Variants in CHN1 observed in about 807,000 individuals in gnomAD.
CHN1 encodes N-chimaerin.
A neutral mutation model predicts 59.5 loss-of-function variants in CHN1; 37 were observed. That is an observed-to-expected ratio of 0.62 (90% confidence interval 0.48 to 0.82). CHN1 has a LOEUF of 0.82. Ranked by LOEUF, CHN1 falls within the 40% of genes least tolerant of loss-of-function variation. CHN1 has a pLI of 0.00. For missense variants in CHN1, 469 were observed against 571.0 expected, an observed-to-expected ratio of 0.82 and a Z score of 1.82; for synonymous variants, 206 against 200.4, an observed-to-expected ratio of 1.03 and a Z score of -0.24.
chr2:174,924,091 G>A (rs1689096354), intron 3 of CHN1, among the ~76,000 whole-genome samples: 1 of 152,028 alleles, frequency 6.6e-6, no homozygotes, highest in African/African-American at 2.4e-5. Flanking sequence ...TAAACTGAAG[G>A]CAATTTAGAA....
intron 1 of CHN1, among the ~76,000 whole-genome samples, chr2:174,961,207 G>GA: frequency 1.2e-5 from 1 of 82,174 alleles, no homozygotes. Flanking sequence ...GGAAGGGAGG[G>GA]AGGGAAGAAG....
chr2:174,944,929 G>A lies in CHN1; in HGVS notation c.73C>T (p.Gln25Ter), dbSNP rs1369243950. The change falls in exon 3 of 13, where the codon CAG (glutamine) becomes TAG (stop). Residue 25 changes from glutamine (Q) to a stop codon, truncating the protein, a stop_gained. Coordinates refer to ENST00000409900, the MANE Select transcript of CHN1 (RefSeq NM_001822.7). LOFTEE classifies it high-confidence loss of function. ...VWKSYLYQLQQEAPHPRRITC... is the reference protein window; with the variant it reads ...VWKSYLYQLQ ...ATTCTTCGAGGATGAGGGGCTTCCT[G>A]TTGTAGCTGATATACTGTGAGAAGG... 1.3e-6 allele frequency: 2 copies of A among 1,577,450 alleles called. No homozygotes were observed. The highest frequency in any genetic ancestry group is 1.7e-6 in the Non-Finnish European group (2 of 1,159,840).
intron 3 of CHN1, among the ~76,000 whole-genome samples, chr2:174,919,058 A>G (rs561913834): frequency 6.6e-6 from 1 of 152,312 alleles, no homozygotes; most frequent in South Asian, 2.1e-4. Context: ...TATAGCTAAG[A>G]AAAGTCCCAG....
chr2:174,951,073 C>T (rs1372512320), intron 2 of CHN1, among the ~76,000 whole-genome samples: 1 of 152,170 alleles, frequency 6.6e-6, no homozygotes, highest in Non-Finnish European at 1.5e-5. Context: ...GCCACAGTGC[C>T]CGGCCAGAGA....
rs762948326 is a variant in CHN1, at chr2:175,005,294, A to G, written c.-382T>C. 1.4e-5 allele frequency: 17 copies of G among 1,198,314 alleles called. No individual in the cohort carries two copies. In the South Asian group the frequency reaches 2.5e-4, roughly 18 times the overall value. 74.2% of individuals were successfully genotyped at this position (1,198,314 alleles called of 1,614,324 possible). ...CGGCGGCGGCGGCGACGGGGAGAGCAGCAGCAGCCTCGCACAGCCCCCGGC... is the reference window on the plus strand; with the variant it reads ...CGGCGGCGGCGGCGACGGGGAGAGCGGCAGCAGCCTCGCACAGCCCCCGGC... On this transcript the variant is annotated 5_prime_UTR_variant, in exon 1 of 13. Coordinates refer to ENST00000409900, the MANE Select transcript of CHN1 (RefSeq NM_001822.7).
At chr2:174,820,209 G>T (rs1007048194) in intron 8 of CHN1, among the ~76,000 whole-genome samples, 22 of 152,088 alleles carry the variant, frequency 1.4e-4, no homozygotes, top group African/African-American at 5.3e-4. Context: ...GGGTCAAATG[G>T]TATTTCTAGT....
At chr2:174,813,603 C>A (rs547752922) in intron 8 of CHN1, among the ~76,000 whole-genome samples, 47 of 152,256 alleles carry the variant, frequency 3.1e-4, no homozygotes, top group African/African-American at 9.6e-4. Flanking sequence ...GAGAGGAATA[C>A]AAATATTTTG....
chr2:174,929,442 G>A (rs1317568226), intron 3 of CHN1, among the ~76,000 whole-genome samples: 1 of 152,074 alleles, frequency 6.6e-6, no homozygotes, highest in East Asian at 1.9e-4. Context: ...GCCATGCATG[G>A]TGGCAAGTGC....
chr2:174,846,833 T>A, intron 7 of CHN1, 47 bp downstream of exon 7: 1 of 1,449,112 alleles, frequency 6.9e-7, no homozygotes, highest in Non-Finnish European at 9.3e-7. Context: ...TATTATATAT[T>A]TCAAGTAATA....
intron 1 of CHN1, among the ~76,000 whole-genome samples, chr2:174,992,740 A>T (rs1366735870): frequency 6.6e-6 from 1 of 152,014 alleles, no homozygotes; most frequent in Non-Finnish European, 1.5e-5. Flanking sequence ...TGCATAGCCC[A>T]GTTTTACCAA....
chr2:174,882,126 G>A (rs1009115427), intron 5 of CHN1, among the ~76,000 whole-genome samples: 3 of 152,094 alleles, frequency 2.0e-5, no homozygotes, highest in Non-Finnish European at 4.4e-5. Context: ...GAACATACTT[G>A]AAGCTGCATA....
At chr2:174,824,992 T>G (rs1200436522) in intron 7 of CHN1, among the ~76,000 whole-genome samples, 1 of 152,238 alleles carries the variant, frequency 6.6e-6, no homozygotes, top group Non-Finnish European at 1.5e-5. Flanking sequence ...AACATTTTTT[T>G]CAGAGCTTGA....
At chr2:174,967,107 G>A (rs1485421580) in intron 1 of CHN1, among the ~76,000 whole-genome samples, 1 of 152,092 alleles carries the variant, frequency 6.6e-6, no homozygotes, top group African/African-American at 2.4e-5. Flanking sequence ...CACTTTGGGA[G>A]GCTGAGGCAG....
chr2:174,802,824 G>A (rs1488300287), intron 11 of CHN1, among the ~76,000 whole-genome samples: 1 of 152,150 alleles, frequency 6.6e-6, no homozygotes, highest in African/African-American at 2.4e-5. Context: ...TGGGTCATGA[G>A]GTCAGGAGTT....
At chr2:174,985,905 A>T (rs917778952) in intron 1 of CHN1, among the ~76,000 whole-genome samples, 1 of 152,222 alleles carries the variant, frequency 6.6e-6, no homozygotes, top group Non-Finnish European at 1.5e-5. Flanking sequence ...ACTCTCTGGA[A>T]AATGTTTTCA....
chr2:174,909,215 G>A (rs1688622132), intron 5 of CHN1, among the ~76,000 whole-genome samples: 1 of 152,126 alleles, frequency 6.6e-6, no homozygotes, highest in Non-Finnish European at 1.5e-5. Flanking sequence ...TCTAAGTACA[G>A]CCTGTACTTA....
At chr2:174,833,237 A>G (rs1685940883) in intron 7 of CHN1, among the ~76,000 whole-genome samples, 1 of 152,106 alleles carries the variant, frequency 6.6e-6, no homozygotes, top group South Asian at 2.1e-4. Flanking sequence ...TGCTTTATGT[A>G]TTTTGCACCT....
At chr2:174,863,612 T>C (rs1687129338) in intron 6 of CHN1, among the ~76,000 whole-genome samples, 1 of 152,100 alleles carries the variant, frequency 6.6e-6, no homozygotes, top group Non-Finnish European at 1.5e-5. Flanking sequence ...TCAACAGATA[T>C]AACCCACATA....
rs1011671664 is a variant in CHN1 at position 174,999,523 on chromosome 2, T to G, written c.19+5371A>C. The stretch of plus-strand genomic sequence containing the variant: ...AACAATCTTATGAAAAACCTATAAC[T>G]TATTATACTAATGTCATTCCTTTAA... On this transcript the variant is annotated intron_variant, in intron 1 of 12. Coordinates refer to ENST00000409900, the MANE Select transcript of CHN1 (RefSeq NM_001822.7). Among the ~76,000 whole-genome samples, 6 of 152,350 alleles carry G rather than the reference T, an allele frequency of 3.9e-5. No individual in the cohort carries two copies. The East Asian group carries it at 5.8e-4, about 15-fold the overall frequency.
Sources: allele counts gnomAD v4.1 joint callset (sites outside exome capture counted in the v4.1 genomes callset), GRCh38; gene constraint gnomAD v4.1.1; transcripts MANE v1.5; gene names NCBI Gene and HGNC (gene_info 2026-07-23, HGNC 2026-07-21).